NIPBL: variants seen among roughly 807,000 people sequenced by gnomAD.
NIPBL encodes nipped-B-like protein.
In NIPBL, 19 loss-of-function variants were observed where a neutral mutation model predicts 321.8. That is an observed-to-expected ratio of 0.06 (90% CI 0.04 to 0.09). NIPBL has a LOEUF of 0.09. Among genes scored for constraint, NIPBL ranks in the 10% least tolerant of loss-of-function variants. The pLI, the probability that NIPBL is intolerant of heterozygous loss-of-function variation, is 1.00. For missense variants in NIPBL, 2,210 were observed against 3,327.0 expected (o/e 0.66, Z 8.26); for synonymous variants, 1,106 against 1,114.1 (o/e 0.99, Z 0.14).
chr5:37,015,750 G>T (rs937416254), intron 22 of NIPBL, among the ~76,000 whole-genome samples: 5 of 151,936 alleles, frequency 3.3e-5, no homozygotes, highest in Non-Finnish European at 7.4e-5. Context: ...AAGAATTTAT[G>T]GTGATCTTTT....
At chr5:36,963,589 C>G (rs1741867938) in intron 6 of NIPBL, among the ~76,000 whole-genome samples, 1 of 151,730 alleles carries the variant, frequency 6.6e-6, no homozygotes, top group Non-Finnish European at 1.5e-5. Flanking sequence ...ATCATTTGAG[C>G]CCAGGAGCTC....
At chr5:36,962,477 G>C (rs1186522097) in intron 6 of NIPBL, among the ~76,000 whole-genome samples, 2 of 152,180 alleles carry the variant, frequency 1.3e-5, no homozygotes, top group African/African-American at 4.8e-5. Context: ...GGAGGTGAAA[G>C]GAGCAGTGTC....
rs1444900791 is a variant in NIPBL at position 36,876,916 on chromosome 5, G to T, written c.-342G>T. 1.8e-5 allele frequency: 7 copies of T among 385,296 alleles called. No individual in the cohort carries two copies. The highest frequency in any genetic ancestry group is 4.5e-5 in the Admixed American group (1 of 22,186). The allele number at this position is 385,296 out of a possible 1,614,324, so 23.9% of individuals were successfully genotyped here. Reference sequence around the variant, plus strand: ...GACGCCCCCGCCGACAGGAGAATTGGTTCCCGGGCCCGCGGCGATGCCCCC... The same window carrying T: ...GACGCCCCCGCCGACAGGAGAATTGTTTCCCGGGCCCGCGGCGATGCCCCC... On this transcript the variant is annotated 5_prime_UTR_variant, in exon 1 of 47. Transcript: ENST00000282516.
chr5:37,016,013 CT>C (rs1748948172), intron 22 of NIPBL, 24 bp from the exon 23 acceptor site: 1 of 1,613,092 alleles, frequency 6.2e-7, no homozygotes, highest in African/African-American at 1.3e-5. Context: ...AATTGACATC[CT>C]TTTCATTATT....
intron 1 of NIPBL, among the ~76,000 whole-genome samples, chr5:36,877,937 T>G (rs1745218867): frequency 6.6e-6 from 1 of 152,234 alleles, no homozygotes; most frequent in Non-Finnish European, 1.5e-5. Context: ...ATGGACTTTT[T>G]ATTCAAAGAC....
At chr5:36,897,171 T>G (rs183555531) in intron 1 of NIPBL, among the ~76,000 whole-genome samples, 321 of 151,880 alleles carry the variant, frequency 2.1e-3, no homozygotes, top group African/African-American at 7.1e-3. Flanking sequence ...CCTGGCTAAT[T>G]TTTTGTTTTT....
At position 36,967,949 on chromosome 5, in the gene NIPBL, T is replaced by C. The variant is rs149416739; in HGVS notation, c.611-2927T>C. ...AACTCCATCTCTCTCCACAAAAAATTAGCCAGGCAAGGTGGTGTGTGCCTG... is the reference window on the plus strand; with the variant it reads ...AACTCCATCTCTCTCCACAAAAAATCAGCCAGGCAAGGTGGTGTGTGCCTG... On this transcript the variant is annotated intron_variant, in intron 6 of 46. Transcript: ENST00000282516. Among the ~76,000 whole-genome samples the C allele has an allele frequency of 8.2e-3, 1,240 of 151,862 alleles. 12 individuals carry two copies. The highest frequency in any genetic ancestry group is 0.028 in the African/African-American group (1,178 of 41,422).
intron 1 of NIPBL, among the ~76,000 whole-genome samples, chr5:36,931,562 C>A (rs972293190): frequency 6.6e-6 from 1 of 152,078 alleles, no homozygotes; most frequent in Non-Finnish European, 1.5e-5. Context: ...AAATGATCTG[C>A]CCACCTTGGC....
At chr5:36,979,934 A>G (rs900329183) in intron 9 of NIPBL, among the ~76,000 whole-genome samples, 4 of 151,710 alleles carry the variant, frequency 2.6e-5, no homozygotes, top group African/African-American at 9.7e-5. Flanking sequence ...AATCTGTATT[A>G]TGGAAAAATG....
chr5:37,019,287 G>A (rs1043512777), intron 24 of NIPBL, 24 bp from the exon 25 acceptor site: 1 of 1,473,132 alleles, frequency 6.8e-7, no homozygotes, highest in South Asian at 1.1e-5. Flanking sequence ...TATCTTTTTT[G>A]TTCTTATTTG....
chr5:37,038,676 A>C lies in NIPBL; in HGVS notation c.6046A>C (p.Arg2016=). The change falls in exon 34 of 47, where the codon AGA becomes CGA. Residue 2016 remains arginine (R), a synonymous_variant. Coordinates refer to ENST00000282516, the MANE Select transcript of NIPBL (RefSeq NM_133433.4). ...CACTTTGTTCTTATTCAGCAAAATAAGACCCCAGCTCATGGTTAAACATGC... is the reference window on the plus strand; with the variant it reads ...CACTTTGTTCTTATTCAGCAAAATACGACCCCAGCTCATGGTTAAACATGC... ...ITTLFLFSKI[R]PQLMVKHAMT... 1 of 1,613,908 alleles carries C rather than the reference A, an allele frequency of 6.2e-7. No individual in the cohort carries two copies. The highest frequency in any genetic ancestry group is 8.5e-7 in the Non-Finnish European group (1 of 1,179,900).
intron 22 of NIPBL, among the ~76,000 whole-genome samples, chr5:37,015,713 A>C (rs1006671292): frequency 1.5e-4 from 23 of 152,110 alleles, no homozygotes; most frequent in African/African-American, 5.6e-4. Flanking sequence ...CCTGGGTGAC[A>C]GGGTGAGACT....
intron 8 of NIPBL, among the ~76,000 whole-genome samples, chr5:36,972,651 A>G (rs1414064003): frequency 1.3e-5 from 2 of 152,148 alleles, no homozygotes; most frequent in Non-Finnish European, 2.9e-5. Context: ...CTTCATACCT[A>G]GCGGATATTT....
intron 10 of NIPBL, among the ~76,000 whole-genome samples, chr5:36,988,095 A>G (rs148942333): frequency 2.6e-5 from 4 of 152,296 alleles, no homozygotes; most frequent in African/African-American, 9.6e-5. Flanking sequence ...CTCTGTTCTA[A>G]CAAAGAGTCT....
chr5:37,058,837 T>C (rs537170850), intron 43 of NIPBL, 54 bp from the exon 44 acceptor site: 17 of 1,537,308 alleles, frequency 1.1e-5, no homozygotes, highest in Admixed American at 3.4e-5. Context: ...AGCATACTTA[T>C]ATTTACTAGT....
intron 6 of NIPBL, among the ~76,000 whole-genome samples, chr5:36,963,554 C>T (rs1166565868): frequency 6.6e-6 from 1 of 151,626 alleles, no homozygotes. Flanking sequence ...GTAATCCCAG[C>T]ACTGTAGGAG....
chr5:37,029,829 C>G (rs1054217487), intron 32 of NIPBL, among the ~76,000 whole-genome samples: 11 of 152,090 alleles, frequency 7.2e-5, no homozygotes, highest in African/African-American at 2.4e-4. Flanking sequence ...AATGTGTAAT[C>G]TTAGACTGTC....
At chr5:37,041,803 G>T (rs897943062) in intron 34 of NIPBL, among the ~76,000 whole-genome samples, 2 of 150,496 alleles carry the variant, frequency 1.3e-5, no homozygotes, top group African/African-American at 2.4e-5. Flanking sequence ...GGCCTCAAGT[G>T]ATCTGCCTAC....
intron 32 of NIPBL, among the ~76,000 whole-genome samples, chr5:37,035,147 G>A (rs1397254322): frequency 6.6e-6 from 1 of 152,164 alleles, no homozygotes; most frequent in Non-Finnish European, 1.5e-5. Flanking sequence ...AAATAAGCTG[G>A]GCACGATGGC....
Sources: gnomAD v4.1 joint callset for allele counts (sites outside exome capture counted in the v4.1 genomes callset) on GRCh38, gnomAD v4.1.1 for gene constraint, MANE v1.5 for transcripts, NCBI Gene and HGNC (gene_info 2026-07-23, HGNC 2026-07-21) for gene names.